Variants in RNPC3 observed in about 807,000 individuals in gnomAD.
The protein encoded by RNPC3 is RNA-binding region-containing protein 3.
In RNPC3, 48 loss-of-function variants were observed where a neutral mutation model predicts 67.5. The observed-to-expected ratio is 0.71, with a 90% CI of 0.56 to 0.90. The LOEUF (loss-of-function observed/expected upper bound fraction) is 0.90. RNPC3 is among the 40% of genes least tolerant of loss of function. The pLI, the probability that RNPC3 is intolerant of heterozygous loss-of-function variation, is 0.00. For synonymous variants in RNPC3, 239 were observed against 210.3 expected, an observed-to-expected ratio of 1.14 and a Z score of -1.18; for missense variants, 637 against 626.1, an observed-to-expected ratio of 1.02 and a Z score of -0.19.
chr1:103,536,178 C>G lies in RNPC3; in HGVS notation c.608C>G (p.Thr203Ser). ...MNLPTPFGPI[T>S]ARPPMYEDYM... ...TTGCCCACACCTTTTGGACCAATTA[C>G]TGCGCGACCTCCCATGGTAAGAAAA... is the stretch of plus-strand genomic sequence containing the variant. Residue 203 changes from threonine (T) to serine (S), a missense_variant, in exon 6 of 15, where the codon ACT becomes AGT. Thr to Ser is a moderately conservative substitution (Grantham distance 58). This residue lies in a region of RNPC3 where 536 missense variants were observed against 500.3 expected (regional missense o/e 1.07). Coordinates refer to ENST00000423855, the MANE Select transcript of RNPC3 (RefSeq NM_017619.4). The G allele has an allele frequency of 6.5e-7, 1 of 1,535,798 alleles. No homozygotes were observed. The highest frequency in any genetic ancestry group is 8.7e-7 in the Non-Finnish European group (1 of 1,145,772).
chr1:103,529,962 C>A (rs1650807957), intron 2 of RNPC3, among the ~76,000 whole-genome samples: 1 of 152,158 alleles, frequency 6.6e-6, no homozygotes, highest in Non-Finnish European at 1.5e-5. Context: ...TTGTGAACTG[C>A]ACATGCAAGG....
chr1:103,548,444 A>G (rs886454312), intron 12 of RNPC3, among the ~76,000 whole-genome samples: 1 of 152,238 alleles, frequency 6.6e-6, no homozygotes, highest in Non-Finnish European at 1.5e-5. Context: ...TCTCTAGGTC[A>G]GGGGCAAAAT....
At chr1:103,526,372 T>G in intron 1 of RNPC3, 110 bp downstream of exon 1, 1 of 826,636 alleles carries the variant, frequency 1.2e-6, no homozygotes, top group African/African-American at 1.7e-5. Context: ...TGGACTTGTG[T>G]GATGAGAGCT....
Position 103,551,800 on chromosome 1 carries a change from T to G in RNPC3, c.*12+8T>G. On this transcript the variant is annotated splice_region_variant and intron_variant, in intron 14 of 14. Transcript: ENST00000423855. The stretch of plus-strand genomic sequence containing the variant: ...TGTTAAAAATTAATAAAGGTAAGTG[T>G]GAATAAAACATAATAAAAAGACAAG... The G allele has an allele frequency of 1.5e-6, 2 of 1,311,914 alleles. No individual in the cohort carries two copies. The highest frequency in any genetic ancestry group is 2.1e-6 in the Non-Finnish European group (2 of 954,850). 81.3% of individuals were successfully genotyped at this position (1,311,914 alleles called of 1,614,324 possible).
rs1650942733 is a variant in RNPC3 at position 103,534,846 on chromosome 1, A to T, written c.432A>T (p.Ala144=). The T allele has an allele frequency of 1.3e-6, 2 of 1,529,586 alleles. No homozygotes were observed. The highest frequency in any genetic ancestry group is 2.8e-5 in the African/African-American group (2 of 72,626). 94.8% of individuals were successfully genotyped at this position (1,529,586 alleles called of 1,614,324 possible). ...ATTTAACAGTAGAAAATGGAATTGC[A>T]CCAAACCATGGGTTAGCATTTTTGT... ...LGYLTVENGI[A]PNHGLTFPLN... The change falls in exon 4 of 15, where the codon GCA becomes GCT. Residue 144 remains alanine (A), a synonymous_variant. Coordinates refer to ENST00000423855, the MANE Select transcript of RNPC3 (RefSeq NM_017619.4).
chr1:103,543,547 T>C, intron 9 of RNPC3, 100 bp downstream of exon 9: 1 of 899,102 alleles, frequency 1.1e-6, no homozygotes, highest in Non-Finnish European at 1.5e-6. Flanking sequence ...GTCAACTTTA[T>C]TTAAAATATG....
chr1:103,546,709 A>G, intron 11 of RNPC3: 1 of 372,270 alleles, frequency 2.7e-6, no homozygotes, highest in South Asian at 6.1e-5. Flanking sequence ...TGCCTCTCCC[A>G]TAGCTTCTGC....
chr1:103,538,022 T>G (rs1054966818), intron 7 of RNPC3, among the ~76,000 whole-genome samples: 119 of 151,896 alleles, frequency 7.8e-4, no homozygotes, highest in Non-Finnish European at 3.8e-4. Context: ...TTTTTGTATT[T>G]TTGGTAGAGA....
At chr1:103,531,519 A>G (rs1342483530) in intron 2 of RNPC3, among the ~76,000 whole-genome samples, 1 of 152,038 alleles carries the variant, frequency 6.6e-6, no homozygotes, top group Non-Finnish European at 1.5e-5. Flanking sequence ...TTATGTTTTG[A>G]TTTTTTCATT....
rs1049280370 is a variant in RNPC3, at chr1:103,526,251, A to G, written c.181A>G (p.Lys61Glu). The G allele has an allele frequency of 1.0e-5, 16 of 1,543,408 alleles. No individual in the cohort carries two copies. Among genetic ancestry groups the G allele is most frequent in the Admixed American group, 6.0e-5 (3 of 50,290 alleles). ...TCAGTCTGTGCGGGTCCTGTCAGAT[A>G]AGGGGCGACTGGTAAGGGCGCGCCC... ...GAQSVRVLSD[K>E]GRLKHTAFAT... The change falls in exon 1 of 15, where the codon AAG becomes GAG. Residue 61 changes from lysine to glutamate, a missense_variant. Physicochemically the swap from Lys to Glu is moderately conservative, Grantham distance 56. Around this residue, in one of 3 missense-constraint regions of RNPC3, gnomAD observed 536 missense variants for 500.3 expected, o/e 1.07. Transcript: ENST00000423855.
chr1:103,548,000 A>C (rs1378462637), intron 12 of RNPC3, among the ~76,000 whole-genome samples: 1 of 151,980 alleles, frequency 6.6e-6, no homozygotes, highest in Non-Finnish European at 1.5e-5. Flanking sequence ...TGAAGCCACC[A>C]CCCAAGCTCT....
intron 7 of RNPC3, among the ~76,000 whole-genome samples, chr1:103,540,543 C>A (rs532084911): frequency 6.6e-6 from 1 of 152,100 alleles, no homozygotes; most frequent in Non-Finnish European, 1.5e-5. Context: ...TTTGGTAAAC[C>A]ATGGTTTTTT....
At chr1:103,544,798 A>G (rs896255735) in intron 9 of RNPC3, 143 bp from the exon 10 acceptor site, 12 of 466,860 alleles carry the variant, frequency 2.6e-5, no homozygotes, top group Admixed American at 8.6e-5. Context: ...ATGTTTGTGT[A>G]TGCCTCTTTT....
At chr1:103,535,483 G>A (rs1045321485) in intron 5 of RNPC3, 42 bp downstream of exon 5, 9 of 1,192,920 alleles carry the variant, frequency 7.5e-6, no homozygotes, top group Non-Finnish European at 9.5e-6. Flanking sequence ...TTGTTGTATA[G>A]CTTGATACTT....
chr1:103,546,928 T>A, intron 11 of RNPC3, 49 bp from the exon 12 acceptor site: 1 of 976,832 alleles, frequency 1.0e-6, no homozygotes, highest in South Asian at 1.5e-5. Flanking sequence ...ATTTATTAAG[T>A]TTTTTTCCCC....
intron 10 of RNPC3, chr1:103,545,521 G>A (rs1651222522): frequency 6.5e-6 from 1 of 153,766 alleles, no homozygotes; most frequent in African/African-American, 2.4e-5. Context: ...ATCCTAACAT[G>A]ATAATTTTCT....
chr1:103,527,793 A>G (rs1276802159), intron 2 of RNPC3, 51 bp downstream of exon 2: 14 of 1,306,090 alleles, frequency 1.1e-5, no homozygotes, highest in South Asian at 6.7e-5. Context: ...CTCTTATACA[A>G]TCTTGGTTCA....
intron 7 of RNPC3, among the ~76,000 whole-genome samples, chr1:103,541,135 A>T (rs984514524): frequency 4.6e-5 from 7 of 152,136 alleles, no homozygotes; most frequent in African/African-American, 1.7e-4. Flanking sequence ...AATTTTTTCT[A>T]AGTAAGATGA....
intron 2 of RNPC3, among the ~76,000 whole-genome samples, chr1:103,530,671 G>T (rs899452042): frequency 6.6e-6 from 1 of 152,158 alleles, no homozygotes; most frequent in African/African-American, 2.4e-5. Flanking sequence ...GTATTTCAAA[G>T]AATTGCTTTT....
Sources: gnomAD v4.1 joint callset for allele counts (sites outside exome capture counted in the v4.1 genomes callset) on GRCh38, gnomAD v4.1.1 for gene constraint, gnomAD v4.1.1 regional missense constraint, MANE v1.5 for transcripts, NCBI Gene and HGNC (gene_info 2026-07-23, HGNC 2026-07-21) for gene names.